PIK3AP1: variants seen among roughly 807,000 people sequenced by gnomAD.
The protein encoded by PIK3AP1 is phosphoinositide-3-kinase adaptor protein 1, also known as phosphoinositide 3-kinase adapter protein 1.
A neutral mutation model predicts 88.1 loss-of-function variants in PIK3AP1; 21 were observed. The observed-to-expected ratio is 0.24, with a 90% CI of 0.17 to 0.34. The LOEUF (loss-of-function observed/expected upper bound fraction) is 0.34. Ranked by LOEUF, PIK3AP1 falls within the 10% of genes least tolerant of loss-of-function variation. PIK3AP1 has a pLI of 1.00. For synonymous variants in PIK3AP1, 398 were observed against 400.0 expected (o/e 1.00, Z 0.06); for missense variants, 828 against 1,035.7 (o/e 0.80, Z 2.75).
At position 96,620,532 on chromosome 10, in the gene PIK3AP1, G is replaced by A; in HGVS notation, c.1761C>T (p.Asp587=). The A allele has an allele frequency of 6.2e-7, 1 of 1,613,090 alleles. No individual in the cohort carries two copies. The highest frequency in any genetic ancestry group is 1.1e-5 in the South Asian group (1 of 91,020). ...RKGPPVRPWR[D]RPQSSIYDPF... ...GGTCATATATACTCGACTGGGGCCTGTCCCTCCATGGTCTGACGGGCGGCC... is the reference window on the plus strand; with the variant it reads ...GGTCATATATACTCGACTGGGGCCTATCCCTCCATGGTCTGACGGGCGGCC... The change falls in exon 12 of 17, where the codon GAC becomes GAT. Residue 587 remains aspartate (D), a synonymous_variant. Transcript: ENST00000339364.
chr10:96,673,418 C>T (rs913451189), intron 2 of PIK3AP1, among the ~76,000 whole-genome samples: 1 of 152,196 alleles, frequency 6.6e-6, no homozygotes, highest in Admixed American at 6.5e-5. Context: ...CCTCTAGGCA[C>T]CCAGGTCTGG....
intron 2 of PIK3AP1, among the ~76,000 whole-genome samples, chr10:96,694,539 C>CT (rs34190226): frequency 0.014 from 1,519 of 107,568 alleles, 16 homozygotes; most frequent in Non-Finnish European, 0.02. Context: ...TCCTTTCTTT[C>CT]TTTTTTTTTT....
At chr10:96,642,534 GAA>G (rs1488536654) in intron 8 of PIK3AP1, among the ~76,000 whole-genome samples, 1 of 151,918 alleles carries the variant, frequency 6.6e-6, no homozygotes, top group Non-Finnish European at 1.5e-5. Context: ...AAAAAGAAAA[GAA>G]AGAAAAATGT....
intron 14 of PIK3AP1, among the ~76,000 whole-genome samples, chr10:96,606,539 C>A (rs924615650): frequency 6.6e-6 from 1 of 152,124 alleles, no homozygotes; most frequent in Non-Finnish European, 1.5e-5. Context: ...GGCCCTGGCC[C>A]TCCTCCTCTC....
At chr10:96,700,571 A>C (rs1844284105) in intron 2 of PIK3AP1, among the ~76,000 whole-genome samples, 1 of 152,204 alleles carries the variant, frequency 6.6e-6, no homozygotes, top group Non-Finnish European at 1.5e-5. Flanking sequence ...TCATTTCAAA[A>C]AGGAAGAGAA....
chr10:96,631,322 A>T (rs1843241806), intron 8 of PIK3AP1, among the ~76,000 whole-genome samples: 1 of 152,220 alleles, frequency 6.6e-6, no homozygotes, highest in Non-Finnish European at 1.5e-5. Context: ...CTGTTGACAG[A>T]GTGGTAAAAG....
chr10:96,628,946 G>A (rs2134209993), intron 8 of PIK3AP1, among the ~76,000 whole-genome samples: 1 of 129,964 alleles, frequency 7.7e-6, no homozygotes, highest in South Asian at 2.6e-4. Context: ...GTCTCAGGCT[G>A]GAGTGCAGTG....
At chr10:96,640,705 T>A (rs1464482663) in intron 8 of PIK3AP1, among the ~76,000 whole-genome samples, 1 of 152,028 alleles carries the variant, frequency 6.6e-6, no homozygotes, top group African/African-American at 2.4e-5. Context: ...GTTACCAGGC[T>A]GGAATGCAGT....
intron 16 of PIK3AP1, among the ~76,000 whole-genome samples, chr10:96,598,725 T>A (rs1264092781): frequency 6.6e-6 from 1 of 152,216 alleles, no homozygotes; most frequent in East Asian, 1.9e-4. Context: ...AGGGAGGGCT[T>A]CACAGAGGAG....
rs145382645 is a variant in PIK3AP1 at position 96,639,059 on chromosome 10, G to A, written c.1375+6414C>T. On this transcript the variant is annotated intron_variant, in intron 8 of 16. Coordinates refer to ENST00000339364, the MANE Select transcript of PIK3AP1 (RefSeq NM_152309.3). ...CTGGGCATTTCTCAAGCCGAGAAAA[G>A]AGAAAGGCAATTTAGGCAGAAGGAA... Among the ~76,000 whole-genome samples, 5 of 152,338 alleles carry A rather than the reference G, an allele frequency of 3.3e-5. No individual in the cohort carries two copies. In the East Asian group the frequency reaches 9.6e-4, roughly 29 times the overall value.
At chr10:96,652,417 C>CA (rs1397692445) in intron 4 of PIK3AP1, among the ~76,000 whole-genome samples, 7 of 151,866 alleles carry the variant, frequency 4.6e-5, no homozygotes, top group African/African-American at 9.7e-5. Flanking sequence ...ACTAAAAATA[C>CA]AAAAAATTAG....
At chr10:96,645,712 G>C (rs369964614) in intron 7 of PIK3AP1, 50 bp from the exon 8 acceptor site, 2 of 1,516,906 alleles carry the variant, frequency 1.3e-6, no homozygotes, top group Admixed American at 4.4e-5. Context: ...CTGACTTTCC[G>C]GGTGGAACTT....
At chr10:96,623,101 T>C (rs1843108126) in intron 11 of PIK3AP1, among the ~76,000 whole-genome samples, 1 of 152,190 alleles carries the variant, frequency 6.6e-6, no homozygotes, top group South Asian at 2.1e-4. Context: ...TGCACAGCAT[T>C]GTAGGGGACC....
rs144602474 is a variant in PIK3AP1, at chr10:96,598,007, A to T, written c.2361-2373T>A. Among the ~76,000 whole-genome samples the T allele has an allele frequency of 6.3e-4, 94 of 149,472 alleles. 1 individual carries two copies. The East Asian group carries it at 0.017, about 27-fold the overall frequency. ...CAAGGAAACTTATTTATAATTGCAG[A>T]CCTATAATTATAGTGGGTTTTTTTT... On this transcript the variant is annotated intron_variant, in intron 16 of 16. Coordinates refer to ENST00000339364, the MANE Select transcript of PIK3AP1 (RefSeq NM_152309.3).
chr10:96,694,913 A>G (rs573863847), intron 2 of PIK3AP1, among the ~76,000 whole-genome samples: 142 of 152,220 alleles, frequency 9.3e-4, no homozygotes, highest in African/African-American at 3.4e-3. Flanking sequence ...ATTGTTTTGC[A>G]GAGTATGGGC....
intron 2 of PIK3AP1, among the ~76,000 whole-genome samples, chr10:96,699,141 G>A (rs887410028): frequency 2.0e-5 from 3 of 152,084 alleles, no homozygotes; most frequent in African/African-American, 7.2e-5. Context: ...CCGAGATGGT[G>A]CCACTGCACT....
intron 1 of PIK3AP1, among the ~76,000 whole-genome samples, chr10:96,718,966 G>T (rs1394822523): frequency 6.6e-6 from 1 of 152,068 alleles, no homozygotes; most frequent in East Asian, 1.9e-4. Context: ...TGGAAATCTT[G>T]GCTCAAATGT....
At chr10:96,602,468 A>G (rs1384076801) in intron 15 of PIK3AP1, 70 bp from the exon 16 acceptor site, 1 of 1,350,388 alleles carries the variant, frequency 7.4e-7, no homozygotes, top group Non-Finnish European at 1.1e-6. Flanking sequence ...GACAACCGTA[A>G]CTCAAAAGCC....
intron 8 of PIK3AP1, among the ~76,000 whole-genome samples, chr10:96,636,722 CAAT>C (rs1446400040): frequency 2.0e-5 from 3 of 152,134 alleles, no homozygotes; most frequent in Non-Finnish European, 4.4e-5. Flanking sequence ...AAAACAACAA[CAAT>C]GATAAGGAGA....
Sources: gnomAD v4.1 joint callset for allele counts (sites outside exome capture counted in the v4.1 genomes callset) on GRCh38, gnomAD v4.1.1 for gene constraint, MANE v1.5 for transcripts, NCBI Gene and HGNC (gene_info 2026-07-23, HGNC 2026-07-21) for gene names.